The following SLX9 variants were observed in gnomAD, a reference collection of about 807,000 sequenced individuals.
SLX9 encodes ribosome biogenesis protein SLX9 homolog.
Under a neutral mutation model 20.8 loss-of-function variants are expected in SLX9, and 19 were observed. The ratio of observed to expected loss-of-function variants is 0.91; its 90% CI spans 0.64 to 1.34. The LOEUF is 1.34. Ranked by LOEUF, SLX9 falls within the 40% of genes most tolerant of loss-of-function variation. The pLI is 0.00. For missense variants in SLX9, 299 were observed against 322.2 expected (o/e 0.93, Z 0.55); for synonymous variants, 113 against 137.1 (o/e 0.82, Z 1.23).
chr21:44,954,573 C>A (rs147390547), intron 2 of SLX9, among the ~76,000 whole-genome samples: 65 of 152,170 alleles, frequency 4.3e-4, no homozygotes, highest in Non-Finnish European at 7.4e-4. Flanking sequence ...CTCAGGACTG[C>A]GGAGGTGGGC....
chr21:44,957,391 G>A (rs998121390), intron 2 of SLX9, among the ~76,000 whole-genome samples: 7 of 152,194 alleles, frequency 4.6e-5, no homozygotes, highest in African/African-American at 1.7e-4. Context: ...TATGCAGATC[G>A]CTCCGTGGCA....
chr21:44,959,459 C>A (rs925604158), intron 2 of SLX9, among the ~76,000 whole-genome samples: 1 of 152,192 alleles, frequency 6.6e-6, no homozygotes, highest in African/African-American at 2.4e-5. Flanking sequence ...GCTCATCCCA[C>A]CCCTGCCCCT....
At position 44,973,265 on chromosome 21, in the gene SLX9, T is replaced by C; in HGVS notation, c.569T>C (p.Leu190Pro). 1 of 1,612,082 alleles carries C rather than the reference T, an allele frequency of 6.2e-7. No individual in the cohort carries two copies. Among genetic ancestry groups the C allele is most frequent in the Non-Finnish European group, 8.5e-7 (1 of 1,179,720 alleles). The change falls in exon 5 of 6, where the codon CTC becomes CCC. Residue 190 changes from leucine (L) to proline (P), a missense_variant and splice_region_variant. Leu to Pro is a moderately conservative substitution (Grantham distance 98). Coordinates refer to ENST00000291634, the MANE Select transcript of SLX9 (RefSeq NM_058190.4). ...AGCGCAGCCCAGAGACAGCAGCTTC[T>C]GTGAGTGCACCTGCCCACCTCCTCA... ...RMSAAQRQQL[L>P]EEERTRFQEL... is the part of the protein sequence containing the mutation.
intron 1 of SLX9, among the ~76,000 whole-genome samples, chr21:44,941,001 C>G (rs2084535381): frequency 1.7e-5 from 2 of 118,778 alleles, no homozygotes; most frequent in Middle Eastern, 3.9e-3. Context: ...TCTGCCAGCC[C>G]AGAGGTGCTT....
intron 1 of SLX9, 64 bp downstream of exon 1, chr21:44,940,250 C>T: frequency 8.4e-7 from 1 of 1,197,530 alleles, no homozygotes; most frequent in Non-Finnish European, 1.0e-6. Flanking sequence ...AGCTGCGGGG[C>T]GCCGCCTCCG....
chr21:44,973,280 C>T lies in SLX9; in HGVS notation c.569+15C>T, dbSNP rs747941642. The T allele has an allele frequency of 1.9e-6, 3 of 1,611,496 alleles. No individual in the cohort carries two copies. The South Asian group carries it at 3.3e-5, about 18-fold the overall frequency. ...CAGCAGCTTCTGTGAGTGCACCTGC[C>T]CACCTCCTCAGGGGTTCAGCTCCTG... On this transcript the variant is annotated intron_variant, in intron 5 of 5. Transcript: ENST00000291634.
chr21:44,973,336 G>T, intron 5 of SLX9, 71 bp downstream of exon 5: 1 of 1,488,824 alleles, frequency 6.7e-7, no homozygotes, highest in East Asian at 2.4e-5. Flanking sequence ...CCTCTCCAGG[G>T]GTTCAGCTCC....
intron 3 of SLX9, among the ~76,000 whole-genome samples, chr21:44,962,433 C>G (rs1265239471): frequency 1.3e-5 from 2 of 152,218 alleles, no homozygotes; most frequent in Non-Finnish European, 2.9e-5. Flanking sequence ...GTAGGATGCA[C>G]TCTTTCTGCA....
intron 4 of SLX9, among the ~76,000 whole-genome samples, chr21:44,971,191 C>T (rs760955720): frequency 6.5e-4 from 21 of 32,332 alleles, no homozygotes; most frequent in Non-Finnish European, 1.3e-3. Flanking sequence ...GTGGTGGTGA[C>T]GCCGCTGCTC....
At position 44,949,655 on chromosome 21, in the gene SLX9, C is replaced by T. The variant is rs568926804; in HGVS notation, c.283+5818C>T. On this transcript the variant is annotated intron_variant, in intron 2 of 5. Coordinates refer to ENST00000291634, the MANE Select transcript of SLX9 (RefSeq NM_058190.4). ...TCCTGCCGCTTCTGCCTGCGCCTTC[C>T]GGCTGTGTACGACCTGCTGCTGCTG... Among the ~76,000 whole-genome samples the T allele has an allele frequency of 4.6e-5, 7 of 152,302 alleles. No homozygotes were observed. In the East Asian group the frequency reaches 1.4e-3, roughly 29 times the overall value.
intron 3 of SLX9, among the ~76,000 whole-genome samples, chr21:44,963,947 C>T (rs533095014): frequency 6.6e-6 from 1 of 152,300 alleles, no homozygotes; most frequent in South Asian, 2.1e-4. Context: ...TTAAAAACAA[C>T]AACAAAAACC....
intron 2 of SLX9, among the ~76,000 whole-genome samples, chr21:44,949,042 G>A (rs893738734): frequency 3.9e-5 from 6 of 152,212 alleles, no homozygotes; most frequent in Non-Finnish European, 7.3e-5. Context: ...ACACCCGGCC[G>A]GGCTCTGACA....
At chr21:44,956,794 C>G (rs1051650532) in intron 2 of SLX9, among the ~76,000 whole-genome samples, 10 of 152,232 alleles carry the variant, frequency 6.6e-5, no homozygotes, top group Non-Finnish European at 1.0e-4. Context: ...GTCTGCTGAC[C>G]TGGTGAGGGC....
chr21:44,967,252 A>T, intron 4 of SLX9, 71 bp downstream of exon 4: 1 of 1,505,550 alleles, frequency 6.6e-7, no homozygotes, highest in Non-Finnish European at 8.8e-7. Flanking sequence ...GAGGGATATG[A>T]GTGGGAGCCA....
intron 2 of SLX9, among the ~76,000 whole-genome samples, chr21:44,945,348 A>T (rs1601372710): frequency 6.6e-6 from 1 of 152,210 alleles, no homozygotes; most frequent in South Asian, 2.1e-4. Flanking sequence ...CTGGTTGCTG[A>T]CAAGGCCCTT....
chr21:44,973,029 C>G, intron 4 of SLX9, 168 bp from the exon 5 acceptor site: 1 of 736,132 alleles, frequency 1.4e-6, no homozygotes. Context: ...TTGTCCAGGT[C>G]TCGCCTCCAT....
chr21:44,960,524 C>G (rs898015337), intron 3 of SLX9, among the ~76,000 whole-genome samples: 4 of 152,238 alleles, frequency 2.6e-5, no homozygotes, highest in Admixed American at 6.5e-5. Flanking sequence ...TATTTTTGTT[C>G]CCCACCGTGA....
intron 1 of SLX9, 136 bp downstream of exon 1, chr21:44,940,322 C>T: frequency 4.3e-6 from 5 of 1,152,662 alleles, no homozygotes; most frequent in Non-Finnish European, 5.4e-6. Flanking sequence ...GCTACAGACG[C>T]GACCTTCTTG....
chr21:44,941,753 C>T (rs1168756137), intron 1 of SLX9, among the ~76,000 whole-genome samples: 1 of 152,190 alleles, frequency 6.6e-6, no homozygotes, highest in African/African-American at 2.4e-5. Context: ...GATGCGACCT[C>T]CTGGGAGTTG....
Sources: allele counts gnomAD v4.1 joint callset (sites outside exome capture counted in the v4.1 genomes callset), GRCh38; gene constraint gnomAD v4.1.1; transcripts MANE v1.5; gene names NCBI Gene and HGNC (gene_info 2026-07-23, HGNC 2026-07-21).